The following GABRE variants were observed in gnomAD, a reference collection of about 807,000 sequenced individuals.
GABRE encodes the protein gamma-aminobutyric acid receptor subunit epsilon.
A neutral mutation model predicts 31.0 loss-of-function variants in GABRE; 20 were observed. The observed-to-expected ratio is 0.64, with a 90% CI of 0.45 to 0.94. The LOEUF (loss-of-function observed/expected upper bound fraction) is 0.94. Among genes scored for constraint, GABRE ranks in the 40% least tolerant of loss-of-function variants. The pLI is 0.00. For missense variants in GABRE, 420 were observed against 410.7 expected, an observed-to-expected ratio of 1.02 and a Z score of -0.20; for synonymous variants, 155 against 150.6, an observed-to-expected ratio of 1.03 and a Z score of -0.21.
chrX:151,971,232 T>C (rs936296886), intron 1 of GABRE: 10 of 392,316 alleles, frequency 2.5e-5, no homozygotes, highest in Middle Eastern at 4.3e-4. Context: ...GGTCCTTGAT[T>C]TGGCTTTCTT....
intron 1 of GABRE, among the ~76,000 whole-genome samples, chrX:151,973,420 G>A (rs1283721883): frequency 9.0e-6 from 1 of 111,313 alleles, no homozygotes; most frequent in East Asian, 2.8e-4. Flanking sequence ...CGCATAGAAA[G>A]ACATTTATCA....
rs769098397 is a variant in GABRE, at chrX:151,954,483, A to G, written c.*218T>C. The G allele has an allele frequency of 1.1e-5, 4 of 362,009 alleles. No homozygotes were observed. Among genetic ancestry groups the G allele is most frequent in the African/African-American group, 7.8e-5 (3 of 38,374 alleles). The allele number at this position is 362,009 out of a possible 1,213,427, so 29.8% of individuals were successfully genotyped here. ...GAAGAGGGAGGTGGCCCATTTATTA[A>G]TAATTTGAAATGGTCTGCTGAGAAG... On this transcript the variant is annotated 3_prime_UTR_variant, in exon 9 of 9. Coordinates refer to ENST00000370328, the MANE Select transcript of GABRE (RefSeq NM_004961.4).
intron 1 of GABRE, 43 bp from the exon 2 acceptor site, chrX:151,970,445 G>C (rs764288018): frequency 8.5e-7 from 1 of 1,173,012 alleles, no homozygotes; most frequent in South Asian, 2.0e-5. Context: ...CCTGCACTCT[G>C]TAGGGGCCCC....
chrX:151,955,972 G>A lies in GABRE; in HGVS notation c.785-112C>T, dbSNP rs1377282880. 11 of 741,919 alleles carry A rather than the reference G, an allele frequency of 1.5e-5. No homozygotes were observed. The Admixed American group carries it at 2.1e-4, about 14-fold the overall frequency. 61.1% of individuals were successfully genotyped at this position (741,919 alleles called of 1,213,427 possible). A position where few individuals can be genotyped will look rare whatever the true frequency, so the allele number is the denominator to read the frequency against. ...TCAGCTCACAGTATTCCCTAGGATA[G>A]AGGCATGATGTGACAATGCAATACA... On this transcript the variant is annotated intron_variant, in intron 6 of 8. Coordinates refer to ENST00000370328, the MANE Select transcript of GABRE (RefSeq NM_004961.4).
chrX:151,974,428 C>G, intron 1 of GABRE, 142 bp downstream of exon 1: 1 of 388,728 alleles, frequency 2.6e-6, no homozygotes, highest in Non-Finnish European at 4.3e-6. Flanking sequence ...ACGCGGGACT[C>G]GGCCAGCCCG....
intron 1 of GABRE, chrX:151,972,117 C>T: frequency 1.3e-6 from 1 of 752,360 alleles, no homozygotes; most frequent in Non-Finnish European, 1.6e-6. Flanking sequence ...TTGGCATGAC[C>T]CCTGTATTGC....
rs1488652062 is a variant in GABRE at position 151,969,715 on chromosome X, A to G, written c.296T>C (p.Val99Ala). 2 of 1,209,909 alleles carry G rather than the reference A, an allele frequency of 1.7e-6. No homozygotes were observed. Among genetic ancestry groups the G allele is most frequent in the Admixed American group, 4.4e-5 (2 of 45,941 alleles). ...GIGEKPTVVT[V>A]EISVNSLGPL... is the part of the protein sequence containing the mutation. ...ACCAAGGCTGTTGACGGAGATCTCA[A>G]CAGTGACCACAGTGGGCTTCTCTAT... The change falls in exon 3 of 9, where the codon GTT (valine) becomes GCT (alanine). Residue 99 changes from valine to alanine, a missense_variant. Val to Ala is a moderately conservative substitution (Grantham distance 64). Transcript: ENST00000370328.
rs61666720 is a variant in GABRE, at chrX:151,961,807, GAAAACAAAAC to G, written c.564-452_564-443del. 4.8e-3 allele frequency among the ~76,000 whole-genome samples: 515 copies of G among 108,052 alleles called. 4 individuals are homozygous for G. The highest frequency in any genetic ancestry group is 6.5e-3 in the Non-Finnish European group (339 of 52,198). The allele number at this position is 108,052 out of a possible 115,157, so 93.8% of individuals were successfully genotyped here. On this transcript the variant is annotated intron_variant, in intron 4 of 8. Transcript: ENST00000370328. ...AGCTCAAAGGAGAGATAACAAGAGA[GAAAACAAAAC>G]AAAACAAAACAAAACAAAACAAAAC...
chrX:151,971,194 G>A, intron 1 of GABRE: 1 of 671,046 alleles, frequency 1.5e-6, no homozygotes, highest in South Asian at 2.5e-5. Flanking sequence ...AGTGACAAAG[G>A]GGGCTTCTGA....
intron 4 of GABRE, 108 bp from the exon 5 acceptor site, chrX:151,961,473 T>C: frequency 1.9e-6 from 1 of 521,713 alleles, no homozygotes. Flanking sequence ...AATTTTTTTC[T>C]TTGTTTGTTT....
At chrX:151,957,517 A>G (rs1351665088) in intron 6 of GABRE, 2 of 324,874 alleles carry the variant, frequency 6.2e-6, no homozygotes, top group Non-Finnish European at 1.2e-5. Context: ...AATTAGTTAT[A>G]CCCAGGCCCT....
intron 1 of GABRE, among the ~76,000 whole-genome samples, chrX:151,970,729 G>C (rs1318482499): frequency 8.9e-6 from 1 of 112,414 alleles, no homozygotes. Context: ...CTGGCCCACT[G>C]TGACTAGCCT....
At chrX:151,973,241 G>A (rs1177521404) in intron 1 of GABRE, among the ~76,000 whole-genome samples, 1 of 110,178 alleles carries the variant, frequency 9.1e-6, no homozygotes, top group East Asian at 2.9e-4. Flanking sequence ...TGCTTGAAGG[G>A]CAGTTTCCAT....
chrX:151,972,625 A>G, intron 1 of GABRE: 3 of 753,674 alleles, frequency 4.0e-6, no homozygotes, highest in Non-Finnish European at 4.7e-6. Flanking sequence ...TGAGACCACC[A>G]AAGCCCTCCT....
chrX:151,963,154 T>C (rs58748521), intron 3 of GABRE, among the ~76,000 whole-genome samples: 2,161 of 112,111 alleles, frequency 0.019, 55 homozygotes, highest in African/African-American at 0.066. Context: ...CACCTTACAA[T>C]TGACACATAT....
Position 151,970,210 on chromosome X carries a change from G to T in GABRE, c.249C>A (p.Asp83Glu). The change falls in exon 2 of 9, where the codon GAC becomes GAA. Residue 83 changes from aspartate (D) to glutamate (E), a missense_variant. Asp to Glu is a conservative substitution (Grantham distance 45). Transcript: ENST00000370328. ...CTCCAATGCCAGGGCGCAGTTTGTG[G>T]TCATAATTACTCAGGATAGTGTTCA... ...RILNTILSNY[D>E]HKLRPGIGEK... is the part of the protein sequence containing the mutation. 1 of 1,211,746 alleles carries T rather than the reference G, an allele frequency of 8.3e-7. No individual in the cohort carries two copies. The highest frequency in any genetic ancestry group is 1.1e-6 in the Non-Finnish European group (1 of 895,551).
chrX:151,959,867 G>A lies in GABRE; in HGVS notation c.756C>T (p.Asn252=). Residue 252 remains asparagine (N), a synonymous_variant, in exon 6 of 9, where the codon AAC becomes AAT. Coordinates refer to ENST00000370328, the MANE Select transcript of GABRE (RefSeq NM_004961.4). ...LFQFDFTGVS[N]KTEIITTPVG... is the part of the protein sequence containing the mutation. ...CTGGGGTTGTGATTATTTCAGTTTT[G>A]TTGCTCACTCCTGTAAAATCAAACT... 2 of 1,210,754 alleles carry A rather than the reference G, an allele frequency of 1.7e-6. No homozygotes were observed. The highest frequency in any genetic ancestry group is 2.2e-6 in the Non-Finnish European group (2 of 894,945).
rs764297140 is a variant in GABRE at position 151,954,819 on chromosome X, C to T, written c.1403G>A (p.Trp468Ter). 5.8e-6 allele frequency: 7 copies of T among 1,210,486 alleles called. No homozygotes were observed. The African/African-American group carries it at 1.0e-4, about 18-fold the overall frequency. ...ATGGATGCAGAGGCGGCCCTGCTGCCAGGTACTGCCCTCACAATCGGGGAC... is the reference window on the plus strand; with the variant it reads ...ATGGATGCAGAGGCGGCCCTGCTGCTAGGTACTGCCCTCACAATCGGGGAC... Reference protein sequence around the residue: ...CMVPDCEGSTWQQGRLCIHVY... With the variant: ...CMVPDCEGST The change falls in exon 9 of 9, where the codon TGG (tryptophan) becomes TAG (stop). Residue 468 changes from tryptophan (W) to a stop codon, truncating the protein, a stop_gained. Coordinates refer to ENST00000370328, the MANE Select transcript of GABRE (RefSeq NM_004961.4). LOFTEE classifies it high-confidence loss of function.
intron 2 of GABRE, 128 bp from the exon 3 acceptor site, chrX:151,969,864 C>T (rs768980985): frequency 3.2e-5 from 35 of 1,092,053 alleles, no homozygotes; most frequent in African/African-American, 5.6e-5. Flanking sequence ...GCATCTAATC[C>T]TATTTCTTTA....
Sources: gnomAD v4.1 joint callset for allele counts (sites outside exome capture counted in the v4.1 genomes callset) on GRCh38, gnomAD v4.1.1 for gene constraint, MANE v1.5 for transcripts, NCBI Gene and HGNC (gene_info 2026-07-23, HGNC 2026-07-21) for gene names.